TMC5: variants seen among roughly 807,000 people sequenced by gnomAD.
The protein encoded by TMC5 is transmembrane channel-like protein 5.
Under a neutral mutation model 110.5 loss-of-function variants are expected in TMC5, and 86 were observed. That is an observed-to-expected ratio of 0.78 (90% CI 0.65 to 0.93). The LOEUF is 0.93. Ranked by LOEUF, TMC5 falls within the 40% of genes least tolerant of loss-of-function variation. The pLI is 0.00. For synonymous variants in TMC5, 455 were observed against 439.5 expected (o/e 1.04, Z -0.44); for missense variants, 1,144 against 1,222.8 (o/e 0.94, Z 0.96).
chr16:19,449,627 C>G lies in TMC5; in HGVS notation c.1044C>G (p.Pro348=). ...PLSECDWHKS[P]QGQKLIASLI... is the part of the protein sequence containing the mutation. ...CTGAATGTGATTGGCACAAGTCACC[C>G]CAAGGTAAGTGATATGGTTTGGCTC... is the stretch of plus-strand genomic sequence containing the variant. Residue 348 remains proline (P), a synonymous_variant, in exon 5 of 22, where the codon CCC becomes CCG. Transcript: ENST00000542583. 6.2e-7 allele frequency: 1 copy of G among 1,613,918 alleles called. No homozygotes were observed. The highest frequency in any genetic ancestry group is 8.5e-7 in the Non-Finnish European group (1 of 1,179,886).
chr16:19,469,849 T>C, intron 10 of TMC5, 24 bp downstream of exon 10: 1 of 1,612,980 alleles, frequency 6.2e-7, no homozygotes, highest in Non-Finnish European at 8.5e-7. Flanking sequence ...ACTTTACTCA[T>C]TTGCCATCGG....
rs1205820497 is a variant in TMC5 at position 19,493,054 on chromosome 16, C to A, written c.2826+826C>A. Among the ~76,000 whole-genome samples the A allele has an allele frequency of 2.7e-5, 4 of 150,498 alleles. 1 individual carries two copies. The highest frequency in any genetic ancestry group is 1.5e-5 in the Non-Finnish European group (1 of 67,580). On this transcript the variant is annotated intron_variant, in intron 19 of 21. Coordinates refer to ENST00000542583, the MANE Select transcript of TMC5 (RefSeq NM_001261841.2). ...TTGGCTCACTGCAACCTCCGCCTCC[C>A]GGGTTCAAGCAATTCTTCTGCCTCA...
chr16:19,440,410 A>G lies in TMC5; in HGVS notation c.372A>G (p.Arg124=). The G allele has an allele frequency of 6.2e-7, 1 of 1,614,078 alleles. No homozygotes were observed. The part of the protein sequence containing the change: ...QSHPYHRASS[R]QPDYPGSQRN... Reference sequence around the variant, plus strand: ...ATCCCTACCACCGAGCATCATCCAGACAACCAGACTACCCTGGATCTCAAC... The same window carrying G: ...ATCCCTACCACCGAGCATCATCCAGGCAACCAGACTACCCTGGATCTCAAC... Residue 124 remains arginine (R), a synonymous_variant, in exon 3 of 22, where the codon AGA becomes AGG. Transcript: ENST00000542583.
chr16:19,466,332 GTCCTC>G lies in TMC5; in HGVS notation c.1637+117_1637+121del, dbSNP rs552962783. The G allele has an allele frequency of 2.8e-4, 352 of 1,254,636 alleles. 1 individual carries two copies. The highest frequency in any genetic ancestry group is 4.6e-4 in the African/African-American group (31 of 67,328). The allele number at this position is 1,254,636 out of a possible 1,614,324, so 77.7% of individuals were successfully genotyped here. ...TTACCCAGGTAACAGTTTCTCTGCA[GTCCTC>G]TCCTCTCCTCTCCTCTCTTTTCTTT... On this transcript the variant is annotated intron_variant, in intron 9 of 21. Transcript: ENST00000542583.
At chr16:19,481,003 TTTGAG>T (rs1315809235) in intron 14 of TMC5, among the ~76,000 whole-genome samples, 2 of 152,040 alleles carry the variant, frequency 1.3e-5, no homozygotes, top group African/African-American at 4.8e-5. Flanking sequence ...AAAATGTTTA[TTTGAG>T]TTGAGAGGTG....
chr16:19,449,173 A>G (rs1324380285), intron 4 of TMC5, among the ~76,000 whole-genome samples: 3 of 151,884 alleles, frequency 2.0e-5, no homozygotes, highest in African/African-American at 4.8e-5. Flanking sequence ...ATTTTTAGAG[A>G]CAGGGTCTCA....
In TMC5 at chr16:19,469,752, T is replaced by G. The variant is rs761760257; in HGVS notation, c.1709T>G (p.Phe570Cys). The G allele has an allele frequency of 6.2e-7, 1 of 1,614,160 alleles. No homozygotes were observed. Among genetic ancestry groups the G allele is most frequent in the South Asian group, 1.1e-5 (1 of 91,084 alleles). The change falls in exon 10 of 22, where the codon TTT (phenylalanine) becomes TGT (cysteine). Residue 570 changes from phenylalanine (F) to cysteine (C), a missense_variant. Transcript: ENST00000542583. Reference protein sequence around the residue: ...IYSGGITKLIFCWDFTVTHEK... With the variant: ...IYSGGITKLICCWDFTVTHEK... ...TCCGGAGGGATCACCAAGCTGATCT[T>G]TTGCTGGGACTTCACTGTCACTCAT...
intron 11 of TMC5, among the ~76,000 whole-genome samples, chr16:19,473,003 A>C (rs1315773700): frequency 2.0e-5 from 3 of 152,094 alleles, no homozygotes; most frequent in Non-Finnish European, 4.4e-5. Context: ...CAAATGCCAG[A>C]GTGCTGCCTC....
chr16:19,474,420 G>A lies in TMC5; in HGVS notation c.2090+144G>A, dbSNP rs563382311. ...AAGTAAGGTGTGGCTGGGCGTGGTG[G>A]CTCATGTCAGTAATCCCAGCACTTT... On this transcript the variant is annotated intron_variant, in intron 12 of 21. Transcript: ENST00000542583. 1.1e-5 allele frequency: 10 copies of A among 918,318 alleles called. No homozygotes were observed. The East Asian group carries it at 2.4e-4, about 22-fold the overall frequency. 56.9% of individuals were successfully genotyped at this position (918,318 alleles called of 1,614,324 possible).
chr16:19,472,037 A>C, intron 10 of TMC5, 51 bp from the exon 11 acceptor site: 1 of 1,592,950 alleles, frequency 6.3e-7, no homozygotes, highest in Non-Finnish European at 8.6e-7. Context: ...CTGGGATTAC[A>C]GGCGTGAGCC....
rs747317616 is a variant in TMC5 at position 19,498,214 on chromosome 16, T to G, written c.*248T>G. The G allele has an allele frequency of 2.0e-6, 1 of 499,496 alleles. No homozygotes were observed. Among genetic ancestry groups the G allele is most frequent in the Non-Finnish European group, 3.6e-6 (1 of 280,330 alleles). 30.9% of individuals were successfully genotyped at this position (499,496 alleles called of 1,614,324 possible). A position where few individuals can be genotyped will look rare whatever the true frequency, so the allele number is the denominator to read the frequency against. ...TTTCCAATAAAGATTGTTGTAATAT[T>G]GAAATGAGCCTACAAAAACCTAGGA... On this transcript the variant is annotated 3_prime_UTR_variant, in exon 22 of 22. Coordinates refer to ENST00000542583, the MANE Select transcript of TMC5 (RefSeq NM_001261841.2).
intron 15 of TMC5, 130 bp from the exon 16 acceptor site, chr16:19,486,815 A>G: frequency 4.0e-6 from 3 of 742,414 alleles, no homozygotes; most frequent in East Asian, 2.6e-5. Flanking sequence ...TTAAGGCCTC[A>G]ATATATGGAT....
intron 15 of TMC5, among the ~76,000 whole-genome samples, chr16:19,486,049 T>G (rs1011162649): frequency 6.6e-6 from 1 of 152,210 alleles, no homozygotes; most frequent in Non-Finnish European, 1.5e-5. Context: ...AAAATCTCTT[T>G]TCCAGAGCTG....
intron 1 of TMC5, among the ~76,000 whole-genome samples, chr16:19,418,645 A>G (rs1279910823): frequency 6.6e-6 from 1 of 151,958 alleles, no homozygotes; most frequent in Non-Finnish European, 1.5e-5. Context: ...TTCAAGAAAC[A>G]ATAACTTCTC....
rs925599035 is a variant in TMC5 at position 19,469,609 on chromosome 16, C to T, written c.1638-72C>T. 5.1e-5 allele frequency: 80 copies of T among 1,580,142 alleles called. No homozygotes were observed. The South Asian group carries it at 6.1e-4, about 12-fold the overall frequency. On this transcript the variant is annotated intron_variant, in intron 9 of 21. Coordinates refer to ENST00000542583, the MANE Select transcript of TMC5 (RefSeq NM_001261841.2). ...TTTCACCATTAATAATAGGGCTGCC[C>T]TTTGTTGAAGCCCTGCACTCCCAGT...
rs1968759262 is a variant in TMC5, at chr16:19,486,972, G to A, written c.2391G>A (p.Leu797=). The change falls in exon 16 of 22, where the codon CTG becomes CTA. Residue 797 remains leucine, a synonymous_variant. Coordinates refer to ENST00000542583, the MANE Select transcript of TMC5 (RefSeq NM_001261841.2). ...VWIGIFFCPL[L]PFIQMIMLFI... ...TTGGCATCTTCTTCTGCCCCCTGCT[G>A]CCCTTTATCCAAATGATTATGCTTT... The A allele has an allele frequency of 1.2e-6, 2 of 1,613,880 alleles. No homozygotes were observed. The highest frequency in any genetic ancestry group is 1.3e-5 in the African/African-American group (1 of 74,876).
At chr16:19,419,848 T>C (rs1218441534) in intron 1 of TMC5, among the ~76,000 whole-genome samples, 1 of 152,148 alleles carries the variant, frequency 6.6e-6, no homozygotes, top group Non-Finnish European at 1.5e-5. Flanking sequence ...TTTGCCAAGA[T>C]TTTTCGGGAT....
chr16:19,489,580 C>T (rs1172436703), intron 17 of TMC5, among the ~76,000 whole-genome samples: 34 of 151,930 alleles, frequency 2.2e-4, no homozygotes, highest in South Asian at 4.2e-4. Context: ...GTGATCCACC[C>T]GCCTCGGCCT....
intron 20 of TMC5, among the ~76,000 whole-genome samples, chr16:19,494,577 C>T (rs1039351782): frequency 7.9e-5 from 12 of 152,036 alleles, no homozygotes; most frequent in African/African-American, 1.2e-4. Context: ...GGGAGGCCTA[C>T]GCGGGTGGAT....
Sources: gnomAD v4.1 joint callset for allele counts (sites outside exome capture counted in the v4.1 genomes callset) on GRCh38, gnomAD v4.1.1 for gene constraint, MANE v1.5 for transcripts, NCBI Gene and HGNC (gene_info 2026-07-23, HGNC 2026-07-21) for gene names.